NAP1L4: variants seen among roughly 807,000 people sequenced by gnomAD.
NAP1L4 encodes nucleosome assembly protein 1 like 4.
In NAP1L4, 15 loss-of-function variants were observed where a neutral mutation model predicts 58.2. That is an observed-to-expected ratio of 0.26 (90% CI 0.17 to 0.40). The LOEUF (loss-of-function observed/expected upper bound fraction) is 0.40. NAP1L4 is among the 10% of genes least tolerant of loss of function. NAP1L4 has a pLI of 1.00. For missense variants in NAP1L4, 384 were observed against 451.1 expected, an observed-to-expected ratio of 0.85 and a Z score of 1.35; for synonymous variants, 171 against 155.6, an observed-to-expected ratio of 1.10 and a Z score of -0.74.
intron 1 of NAP1L4, among the ~76,000 whole-genome samples, chr11:2,987,166 G>A (rs998535330): frequency 1.3e-5 from 2 of 152,070 alleles, no homozygotes; most frequent in Non-Finnish European, 2.9e-5. Context: ...GTGATTATAC[G>A]AAGCCCTGAG....
chr11:2,966,613 G>C (rs1051843396), intron 7 of NAP1L4, among the ~76,000 whole-genome samples: 1 of 152,156 alleles, frequency 6.6e-6, no homozygotes, highest in South Asian at 2.1e-4. Flanking sequence ...GCAACAAAAA[G>C]ATACCTGCAA....
chr11:2,974,877 A>C (rs1215996105), intron 4 of NAP1L4, among the ~76,000 whole-genome samples: 3 of 152,154 alleles, frequency 2.0e-5, no homozygotes, highest in Admixed American at 1.3e-4. Context: ...AACTACAAAA[A>C]ACTAGCTGGG....
In NAP1L4 at chr11:2,971,985, T is replaced by C. The variant is rs1490248177; in HGVS notation, c.315+117A>G. 2 of 1,079,960 alleles carry C rather than the reference T, an allele frequency of 1.9e-6. No homozygotes were observed. The highest frequency in any genetic ancestry group is 2.6e-6 in the Non-Finnish European group (2 of 782,762). 66.9% of individuals were successfully genotyped at this position (1,079,960 alleles called of 1,614,324 possible). A position where few individuals can be genotyped will look rare whatever the true frequency, so the allele number is the denominator to read the frequency against. On this transcript the variant is annotated intron_variant, in intron 5 of 15. Coordinates refer to ENST00000380542, the MANE Select transcript of NAP1L4 (RefSeq NM_005969.4). The surrounding 1 kb of genome is among the most constrained non-coding windows in gnomAD (Gnocchi z 4.2). ...TAAGGTAGTCTAGACTAAGCTATGTTTGGCAGGTTAGATGCGTTCTTACCC... is the reference window on the plus strand; with the variant it reads ...TAAGGTAGTCTAGACTAAGCTATGTCTGGCAGGTTAGATGCGTTCTTACCC...
intron 1 of NAP1L4, 95 bp from the exon 2 acceptor site, chr11:2,979,332 C>A: frequency 9.7e-7 from 1 of 1,033,968 alleles, no homozygotes; most frequent in South Asian, 1.5e-5. Flanking sequence ...GGATGGAGTC[C>A]ACTAGAAGGG....
intron 8 of NAP1L4, among the ~76,000 whole-genome samples, chr11:2,962,150 G>GGTAA (rs1846962561): frequency 6.6e-6 from 1 of 152,134 alleles, no homozygotes; most frequent in Admixed American, 6.5e-5. Flanking sequence ...TTCTTTGACT[G>GGTAA]GTAAGTACAC....
rs767630255 is a variant in NAP1L4 at position 2,954,574 on chromosome 11, G to A, written c.988C>T (p.Arg330Trp). Residue 330 changes from arginine to tryptophan, a missense_variant, in exon 12 of 16, where the codon CGG becomes TGG. Physicochemically the swap from Arg to Trp is moderately radical, Grantham distance 101 (BLOSUM62 -3). This residue lies in a region of NAP1L4 where 296 missense variants were observed against 360.8 expected (regional missense o/e 0.82). Coordinates refer to ENST00000380542, the MANE Select transcript of NAP1L4 (RefSeq NM_005969.4). This position sits in a 1 kb window ranked among gnomAD's most constrained non-coding sequence, Gnocchi z 4.8. Reference sequence around the variant, plus strand: ...TCCCCAGTGAAGTACAGCACAGCCCGCGGGACTATCCGCTCACGGAAAAAG... The same window carrying A: ...TCCCCAGTGAAGTACAGCACAGCCCACGGGACTATCCGCTCACGGAAAAAG... ...GHFFRERIVP[R>W]AVLYFTGEAI... 3 of 1,613,994 alleles carry A rather than the reference G, an allele frequency of 1.9e-6. No individual in the cohort carries two copies. The highest frequency in any genetic ancestry group is 2.5e-6 in the Non-Finnish European group (3 of 1,180,042).
chr11:2,964,390 G>A (rs1036305170), intron 8 of NAP1L4, among the ~76,000 whole-genome samples: 2 of 152,198 alleles, frequency 1.3e-5, no homozygotes, highest in Non-Finnish European at 2.9e-5. Context: ...CCTGGCTGCA[G>A]GGTCTGGGGC....
At chr11:2,975,821 C>A (rs955201105) in intron 4 of NAP1L4, among the ~76,000 whole-genome samples, 10 of 152,218 alleles carry the variant, frequency 6.6e-5, no homozygotes, top group African/African-American at 1.9e-4. Flanking sequence ...TGACAGGTCA[C>A]GCTACTCCAT....
At chr11:2,972,999 A>C (rs779142096) in intron 4 of NAP1L4, among the ~76,000 whole-genome samples, 3 of 152,212 alleles carry the variant, frequency 2.0e-5, no homozygotes, top group Admixed American at 1.3e-4. Context: ...AATTTATCCT[A>C]ATCAAGTATT....
At chr11:2,975,237 G>A (rs1847881113) in intron 4 of NAP1L4, among the ~76,000 whole-genome samples, 2 of 151,534 alleles carry the variant, frequency 1.3e-5, no homozygotes, top group Non-Finnish European at 2.9e-5. Context: ...AGGATTACTT[G>A]AGCTCAGGAG....
chr11:2,954,546 GCCT>G lies in NAP1L4; in HGVS notation c.1013_1015del (p.Glu338del). 6.2e-7 allele frequency: 1 copy of G among 1,614,140 alleles called. No individual in the cohort carries two copies. The highest frequency in any genetic ancestry group is 8.5e-7 in the Non-Finnish European group (1 of 1,180,032). ...TCATACATTGTCATCATCTTCTATGGCCTCCCCAGTGAAGTACAGCACAGCCCG... is the reference window on the plus strand; with the variant it reads ...TCATACATTGTCATCATCTTCTATGGCCCCAGTGAAGTACAGCACAGCCCG... On this transcript the variant is annotated inframe_deletion, in exon 12 of 16. Coordinates refer to ENST00000380542, the MANE Select transcript of NAP1L4 (RefSeq NM_005969.4). The surrounding 1 kb of genome is among the most constrained non-coding windows in gnomAD (Gnocchi z 4.8).
At chr11:2,966,687 A>C (rs1163498202) in intron 7 of NAP1L4, among the ~76,000 whole-genome samples, 1 of 152,232 alleles carries the variant, frequency 6.6e-6, no homozygotes, top group Non-Finnish European at 1.5e-5. Context: ...TGCGATGTTC[A>C]GTCTCCAATG....
intron 4 of NAP1L4, 131 bp downstream of exon 4, chr11:2,975,893 T>C: frequency 1.3e-6 from 1 of 776,806 alleles, no homozygotes; most frequent in Middle Eastern, 3.8e-4. Flanking sequence ...TCCCAGTGCC[T>C]GTCTCTCATA....
intron 7 of NAP1L4, among the ~76,000 whole-genome samples, chr11:2,967,467 C>G (rs1438184562): frequency 6.6e-6 from 1 of 151,978 alleles, no homozygotes; most frequent in Non-Finnish European, 1.5e-5. Flanking sequence ...AAAAATTAGC[C>G]AGGCGTGGTG....
At position 2,955,626 on chromosome 11, in the gene NAP1L4, A is replaced by T; in HGVS notation, c.915+118T>A. 1.0e-6 allele frequency: 1 copy of T among 971,530 alleles called. No homozygotes were observed. The highest frequency in any genetic ancestry group is 1.6e-6 in the Non-Finnish European group (1 of 637,194). The allele number at this position is 971,530 out of a possible 1,614,324, so 60.2% of individuals were successfully genotyped here. ...CTCAGCCTCCCAAAGCATTAAGATC[A>T]CTGGCATACCCAGTCCACACACAGC... On this transcript the variant is annotated intron_variant, in intron 11 of 15. Coordinates refer to ENST00000380542, the MANE Select transcript of NAP1L4 (RefSeq NM_005969.4). This position sits in a 1 kb window ranked among gnomAD's most constrained non-coding sequence, Gnocchi z 4.2.
At chr11:2,957,226 A>G (rs189804050) in intron 10 of NAP1L4, among the ~76,000 whole-genome samples, 1 of 152,322 alleles carries the variant, frequency 6.6e-6, no homozygotes, top group East Asian at 1.9e-4. Flanking sequence ...ATTCACAGAC[A>G]ATCTCCAGTA....
At position 2,969,804 on chromosome 11, in the gene NAP1L4, T is replaced by C. The variant is rs200453214; in HGVS notation, c.533A>G (p.Gln178Arg). ...RNVDMLSELV[Q>R]EYDEPILKHL... ...TCTACAAGACAGAAGTGTGCTTACC[T>C]GGACTAATTCACTCAGCATGTCCAC... Residue 178 changes from glutamine (Q) to arginine (R), a missense_variant and splice_region_variant, in exon 7 of 16, where the codon CAG (glutamine) becomes CGG (arginine). Gln to Arg is a conservative substitution (Grantham distance 43, BLOSUM62 1). Around this residue, in one of 3 missense-constraint regions of NAP1L4, gnomAD observed 296 missense variants for 360.8 expected, o/e 0.82. Transcript: ENST00000380542. 8.7e-6 allele frequency: 14 copies of C among 1,610,634 alleles called. No individual in the cohort carries two copies. Among genetic ancestry groups the C allele is most frequent in the Non-Finnish European group, 1.2e-5 (14 of 1,178,590 alleles).
intron 8 of NAP1L4, chr11:2,963,903 A>G (rs764234145): frequency 3.9e-6 from 2 of 519,128 alleles, no homozygotes; most frequent in Non-Finnish European, 7.7e-6. Flanking sequence ...CCCTGGGAGA[A>G]CCAGGCTGGG....
chr11:2,983,684 C>T (rs1437408773), intron 1 of NAP1L4: 1 of 151,644 alleles, frequency 6.6e-6, no homozygotes, highest in African/African-American at 2.4e-5. Flanking sequence ...AACCAACCAA[C>T]CCAGAACTCA....
Sources: gnomAD v4.1 joint callset for allele counts (sites outside exome capture counted in the v4.1 genomes callset) on GRCh38, gnomAD v4.1.1 for gene constraint, gnomAD v4.1.1 regional missense constraint, Gnocchi (gnomAD v3.1) non-coding constraint, MANE v1.5 for transcripts, NCBI Gene and HGNC (gene_info 2026-07-23, HGNC 2026-07-21) for gene names.